The following SCFD2 variants were observed in gnomAD, a reference collection of about 807,000 sequenced individuals.
The protein encoded by SCFD2 is sec1 family domain-containing protein 2.
SCFD2 carries 54 observed loss-of-function variants against 58.9 expected under a neutral mutation model. The ratio of observed to expected loss-of-function variants is 0.92; its 90% CI spans 0.74 to 1.15. The LOEUF is 1.15. Ranked by LOEUF, SCFD2 falls within the 50% of genes most tolerant of loss-of-function variation. The pLI is 0.00. For missense variants in SCFD2, 805 were observed against 836.6 expected (o/e 0.96, Z 0.47); for synonymous variants, 321 against 335.9 (o/e 0.96, Z 0.49).
intron 5 of SCFD2, among the ~76,000 whole-genome samples, chr4:53,030,312 AC>A (rs1157309517): frequency 6.6e-6 from 1 of 152,204 alleles, no homozygotes; most frequent in African/African-American, 2.4e-5. Context: ...AAAAACAGAA[AC>A]AAAAAAGGAA....
At chr4:53,249,388 T>C (rs1460178877) in intron 4 of SCFD2, among the ~76,000 whole-genome samples, 1 of 152,214 alleles carries the variant, frequency 6.6e-6, no homozygotes, top group East Asian at 1.9e-4. Flanking sequence ...CGCTGCAGGA[T>C]ATTATCCAGG....
intron 4 of SCFD2, among the ~76,000 whole-genome samples, chr4:53,209,875 A>G (rs1728554556): frequency 6.6e-6 from 1 of 152,118 alleles, no homozygotes; most frequent in African/African-American, 2.4e-5. Flanking sequence ...TTTCTCAAAG[A>G]AAAGGCCTAG....
chr4:53,116,087 C>T (rs1405701590), intron 5 of SCFD2, among the ~76,000 whole-genome samples: 1 of 152,154 alleles, frequency 6.6e-6, no homozygotes, highest in Non-Finnish European at 1.5e-5. Context: ...GGGAACATCA[C>T]TAACCATAGC....
chr4:53,008,530 A>G (rs1172748012), intron 5 of SCFD2, among the ~76,000 whole-genome samples: 2 of 152,218 alleles, frequency 1.3e-5, no homozygotes, highest in East Asian at 3.9e-4. Flanking sequence ...AATAAATAAC[A>G]ACAACAACAA....
At chr4:52,891,513 C>G (rs1718876337) in intron 7 of SCFD2, among the ~76,000 whole-genome samples, 1 of 152,208 alleles carries the variant, frequency 6.6e-6, no homozygotes, top group Non-Finnish European at 1.5e-5. Flanking sequence ...ATAATTTGTC[C>G]AAAGCGGCTG....
At chr4:52,943,179 C>G in intron 5 of SCFD2, among the ~76,000 whole-genome samples, 1 of 152,032 alleles carries the variant, frequency 6.6e-6, no homozygotes, top group South Asian at 2.1e-4. Context: ...GTGCTGAATT[C>G]CAAACATCCC....
intron 4 of SCFD2, among the ~76,000 whole-genome samples, chr4:53,236,959 TG>T (rs1440138628): frequency 2.0e-5 from 3 of 151,458 alleles, no homozygotes; most frequent in Non-Finnish European, 4.4e-5. Context: ...CAAAGGTCTC[TG>T]GTTTTCCTAG....
At chr4:53,118,454 G>A (rs1725385088) in intron 5 of SCFD2, among the ~76,000 whole-genome samples, 1 of 152,162 alleles carries the variant, frequency 6.6e-6, no homozygotes, top group African/African-American at 2.4e-5. Context: ...CACAAAGAGA[G>A]ATAAATCAAA....
At chr4:52,961,803 C>T (rs1332488747) in intron 5 of SCFD2, among the ~76,000 whole-genome samples, 1 of 152,180 alleles carries the variant, frequency 6.6e-6, no homozygotes, top group African/African-American at 2.4e-5. Flanking sequence ...TTTCAGCCTG[C>T]AGATTCTGTG....
At chr4:52,935,539 T>C (rs1399649591) in intron 5 of SCFD2, among the ~76,000 whole-genome samples, 1 of 152,200 alleles carries the variant, frequency 6.6e-6, no homozygotes, top group Non-Finnish European at 1.5e-5. Context: ...ATACTTTGAT[T>C]GTTCTACATA....
At chr4:52,963,284 T>G (rs1720891885) in intron 5 of SCFD2, among the ~76,000 whole-genome samples, 1 of 152,308 alleles carries the variant, frequency 6.6e-6, no homozygotes, top group African/African-American at 2.4e-5. Flanking sequence ...AATAAAATCT[T>G]TCTCTCTGTT....
intron 3 of SCFD2, among the ~76,000 whole-genome samples, chr4:53,299,771 G>C (rs1732201118): frequency 1.3e-5 from 2 of 152,196 alleles, no homozygotes; most frequent in African/African-American, 4.8e-5. Context: ...CTACAAGCCA[G>C]AAGAGAGTGG....
chr4:53,115,311 G>T (rs1725289407), intron 5 of SCFD2, among the ~76,000 whole-genome samples: 1 of 152,076 alleles, frequency 6.6e-6, no homozygotes, highest in Non-Finnish European at 1.5e-5. Context: ...GAAAGAACAT[G>T]ATAAGATTAA....
At chr4:52,929,774 G>T (rs301125) in intron 5 of SCFD2, among the ~76,000 whole-genome samples, 31,004 of 151,976 alleles carry the variant, frequency 0.2, 3,665 homozygotes, top group East Asian at 0.5. Context: ...GCTACAAAAA[G>T]AATAAAATAC....
intron 5 of SCFD2, among the ~76,000 whole-genome samples, chr4:53,066,766 T>G (rs1203020710): frequency 6.6e-6 from 1 of 152,094 alleles, no homozygotes; most frequent in East Asian, 1.9e-4. Context: ...GTTATTTCCC[T>G]GGGGATGTCT....
intron 3 of SCFD2, among the ~76,000 whole-genome samples, chr4:53,293,906 G>T (rs1228477350): frequency 7.2e-6 from 1 of 138,872 alleles, no homozygotes; most frequent in African/African-American, 2.8e-5. Context: ...ACAGGCCCCA[G>T]TGTGTGATGT....
rs144251299 is a variant in SCFD2, at chr4:53,145,357, A to G, written c.1537T>C (p.Ser513Pro). ...AQVFCEESGL[S>P]PLLQKITDWD... ...CCCGTAATTTTTTGCAGCAAAGGTG[A>G]CAATCCAGATTCCTCACAGAAGACC... Residue 513 changes from serine to proline, a missense_variant, in exon 5 of 9, where the codon TCA becomes CCA. By Grantham distance (74) the Ser-to-Pro change is moderately conservative (BLOSUM62 -1). This residue lies in a region of SCFD2 where 633 missense variants were observed against 646.8 expected (regional missense o/e 0.98). Coordinates refer to ENST00000401642, the MANE Select transcript of SCFD2 (RefSeq NM_152540.4). The G allele has an allele frequency of 1.0e-4, 166 of 1,614,016 alleles. No homozygotes were observed. In the Admixed American group the frequency reaches 1.7e-3, roughly 17 times the overall value.
At chr4:53,195,578 A>G (rs536192473) in intron 4 of SCFD2, among the ~76,000 whole-genome samples, 57 of 152,274 alleles carry the variant, frequency 3.7e-4, no homozygotes, top group African/African-American at 1.2e-3. Flanking sequence ...AGTCAGCCCC[A>G]GTTTTTAAGG....
chr4:53,261,226 T>A (rs1204978584), intron 4 of SCFD2, among the ~76,000 whole-genome samples: 2 of 152,134 alleles, frequency 1.3e-5, no homozygotes, highest in South Asian at 2.1e-4. Flanking sequence ...TTGTTTCAAT[T>A]TCATTTAGTT....
Sources: gnomAD v4.1 joint callset for allele counts (sites outside exome capture counted in the v4.1 genomes callset) on GRCh38, gnomAD v4.1.1 for gene constraint, gnomAD v4.1.1 regional missense constraint, MANE v1.5 for transcripts, NCBI Gene and HGNC (gene_info 2026-07-23, HGNC 2026-07-21) for gene names.